ICE1: variants seen among roughly 807,000 people sequenced by gnomAD.
The protein encoded by ICE1 is interactor of little elongation complex ELL subunit 1, also known as little elongation complex subunit 1.
ICE1 carries 64 observed loss-of-function variants against 192.7 expected under a neutral mutation model. That is an observed-to-expected ratio of 0.33 (90% CI 0.27 to 0.41). The LOEUF (loss-of-function observed/expected upper bound fraction) is 0.41. ICE1 is among the 10% of genes least tolerant of loss of function. ICE1 has a pLI of 1.00. For synonymous variants in ICE1, 1,010 were observed against 984.5 expected (o/e 1.03, Z -0.49); for missense variants, 2,708 against 2,696.0 (o/e 1.00, Z -0.10).
chr5:5,469,152 T>TA (rs1489902658), intron 15 of ICE1, among the ~76,000 whole-genome samples, 164 bp downstream of exon 15: 1 of 152,232 alleles, frequency 6.6e-6, no homozygotes, highest in Non-Finnish European at 1.5e-5. Flanking sequence ...TTTTGTTAAT[T>TA]AAGAATGCAT....
At position 5,464,254 on chromosome 5, in the gene ICE1, A is replaced by G. The variant is rs267600660; in HGVS notation, c.4920A>G (p.Ile1640Met). The G allele has an allele frequency of 1.5e-5, 25 of 1,613,524 alleles. No individual in the cohort carries two copies. The South Asian group carries it at 2.2e-4, about 14-fold the overall frequency. Residue 1640 changes from isoleucine to methionine, a missense_variant, in exon 13 of 19, where the codon ATA (isoleucine) becomes ATG (methionine). Ile to Met is a conservative substitution (Grantham distance 10). Around this residue, in one of 2 missense-constraint regions of ICE1, gnomAD observed 2,366 missense variants for 2,276.6 expected, o/e 1.04. Coordinates refer to ENST00000296564, the MANE Select transcript of ICE1 (RefSeq NM_015325.3). The surrounding 1 kb of genome is among the most constrained non-coding windows in gnomAD (Gnocchi z 4.0). ...PPLPPLLAPL[I>M]ATPPRTSQPL... is the part of the protein sequence containing the mutation. ...TGCCGCCTCTGCTTGCTCCTCTGAT[A>G]GCTACACCTCCAAGGACTTCACAGC...
intron 10 of ICE1, among the ~76,000 whole-genome samples, chr5:5,453,411 A>G (rs1367168431): frequency 2.6e-5 from 4 of 152,166 alleles, no homozygotes; most frequent in Non-Finnish European, 5.9e-5. Flanking sequence ...TTTTGAAGTG[A>G]TGCAGTCTGC....
At position 5,462,039 on chromosome 5, in the gene ICE1, C is replaced by G; in HGVS notation, c.2705C>G (p.Ala902Gly). The G allele has an allele frequency of 3.1e-6, 5 of 1,613,938 alleles. No individual in the cohort carries two copies. The highest frequency in any genetic ancestry group is 4.2e-6 in the Non-Finnish European group (5 of 1,179,884). Residue 902 changes from alanine to glycine, a missense_variant, in exon 13 of 19, where the codon GCA (alanine) becomes GGA (glycine). Ala to Gly is a moderately conservative substitution (Grantham distance 60). This residue lies in a region of ICE1 where 2,366 missense variants were observed against 2,276.6 expected (regional missense o/e 1.04). Coordinates refer to ENST00000296564, the MANE Select transcript of ICE1 (RefSeq NM_015325.3). ...SGNKTGMSTV[A>G]KCDGERDDTT... Reference sequence around the variant, plus strand: ...AACAAAACCGGTATGTCAACTGTAGCAAAATGTGATGGGGAAAGAGATGAT... The same window carrying G: ...AACAAAACCGGTATGTCAACTGTAGGAAAATGTGATGGGGAAAGAGATGAT...
At chr5:5,444,440 A>G (rs1738148170) in intron 7 of ICE1, 114 bp downstream of exon 7, 8 of 717,260 alleles carry the variant, frequency 1.1e-5, no homozygotes, top group Middle Eastern at 2.7e-4. Flanking sequence ...TTGATGGTAC[A>G]TCCATGGATG....
At position 5,451,778 on chromosome 5, in the gene ICE1, T is replaced by C. The variant is rs150101742; in HGVS notation, c.605-2774T>C. 5.5e-3 allele frequency among the ~76,000 whole-genome samples: 834 copies of C among 152,278 alleles called. 11 individuals are homozygous for C. The highest frequency in any genetic ancestry group is 0.019 in the African/African-American group (802 of 41,570). On this transcript the variant is annotated intron_variant, in intron 10 of 18. Coordinates refer to ENST00000296564, the MANE Select transcript of ICE1 (RefSeq NM_015325.3). Reference sequence around the variant, plus strand: ...AACTAGTGTCTCTGTTATTAATTTTTTTGTTTCAGAACTTAGAAAATAAGG... The same window carrying C: ...AACTAGTGTCTCTGTTATTAATTTTCTTGTTTCAGAACTTAGAAAATAAGG...
At chr5:5,452,068 G>T (rs1319130740) in intron 10 of ICE1, among the ~76,000 whole-genome samples, 3 of 151,552 alleles carry the variant, frequency 2.0e-5, no homozygotes, top group Non-Finnish European at 4.4e-5. Context: ...AATTGATGAG[G>T]TAATGGAAAA....
intron 4 of ICE1, among the ~76,000 whole-genome samples, chr5:5,440,468 T>C (rs1185279177): frequency 6.6e-6 from 1 of 152,226 alleles, no homozygotes; most frequent in Non-Finnish European, 1.5e-5. Context: ...CTGTAAAGTA[T>C]TCTTCAGCAA....
Position 5,461,013 on chromosome 5 carries a change from A to T in ICE1, c.1679A>T (p.Lys560Ile). 6.2e-7 allele frequency: 1 copy of T among 1,614,062 alleles called. No individual in the cohort carries two copies. Among genetic ancestry groups the T allele is most frequent in the Non-Finnish European group, 8.5e-7 (1 of 1,179,896 alleles). The change falls in exon 13 of 19, where the codon AAA becomes ATA. Residue 560 changes from lysine to isoleucine, a missense_variant. Transcript: ENST00000296564. Reference protein sequence around the residue: ...TVLSKMMGSPKSEFTKWTRIN... With the variant: ...TVLSKMMGSPISEFTKWTRIN... ...TTGTCTAAAATGATGGGATCGCCCA[A>T]ATCAGAGTTTACTAAGTGGACACGA...
chr5:5,461,971 G>A lies in ICE1; in HGVS notation c.2637G>A (p.Arg879=), dbSNP rs766180601. The stretch of plus-strand genomic sequence containing the variant: ...AGAGTGCCAAATTGGAACACTTGAG[G>A]CCACATAGGGTTGAGCCTACCTTAG... The part of the protein sequence containing the change: ...KVQSAKLEHL[R]PHRVEPTLVT... Residue 879 remains arginine (R), a synonymous_variant, in exon 13 of 19, where the codon AGG becomes AGA. Coordinates refer to ENST00000296564, the MANE Select transcript of ICE1 (RefSeq NM_015325.3). 18 of 1,613,834 alleles carry A rather than the reference G, an allele frequency of 1.1e-5. No individual in the cohort carries two copies. In the East Asian group the frequency reaches 4.0e-4, roughly 36 times the overall value.
At chr5:5,485,853 T>C (rs1290633775) in intron 17 of ICE1, among the ~76,000 whole-genome samples, 1 of 152,262 alleles carries the variant, frequency 6.6e-6, no homozygotes, top group East Asian at 1.9e-4. Flanking sequence ...CTTTTAATTT[T>C]GCTTAAAAGC....
chr5:5,455,208 A>G (rs1414600679), intron 11 of ICE1, among the ~76,000 whole-genome samples: 3 of 152,220 alleles, frequency 2.0e-5, no homozygotes, highest in Non-Finnish European at 2.9e-5. Flanking sequence ...TTCTAAATCT[A>G]TGGAAACCTC....
At position 5,473,688 on chromosome 5, in the gene ICE1, T is replaced by C. The variant is rs748101235; in HGVS notation, c.6353T>C (p.Phe2118Ser). 1.2e-6 allele frequency: 2 copies of C among 1,613,448 alleles called. No homozygotes were observed. Among genetic ancestry groups the C allele is most frequent in the South Asian group, 2.2e-5 (2 of 90,958 alleles). ...AGTGATAACACTTGGGAATACATATTTGCCATTGATCTGCTCTGCTGCCAT... is the reference window on the plus strand; with the variant it reads ...AGTGATAACACTTGGGAATACATATCTGCCATTGATCTGCTCTGCTGCCAT... ...DLSDNTWEYI[F>S]AIDLLCCHQK... is the part of the protein sequence containing the mutation. The change falls in exon 16 of 19, where the codon TTT (phenylalanine) becomes TCT (serine). Residue 2118 changes from phenylalanine to serine, a missense_variant. Phe to Ser is a radical substitution (Grantham distance 155). Around this residue, in one of 2 missense-constraint regions of ICE1, gnomAD observed 342 missense variants for 419.3 expected, o/e 0.82. Coordinates refer to ENST00000296564, the MANE Select transcript of ICE1 (RefSeq NM_015325.3).
chr5:5,474,217 A>T (rs1837255), intron 16 of ICE1, among the ~76,000 whole-genome samples: 6,116 of 151,190 alleles, frequency 0.04, 410 homozygotes, highest in African/African-American at 0.14. Flanking sequence ...CTCAAAAAAA[A>T]AAAAAAGAAA....
chr5:5,461,672 A>G lies in ICE1; in HGVS notation c.2338A>G (p.Lys780Glu). Residue 780 changes from lysine (K) to glutamate (E), a missense_variant, in exon 13 of 19, where the codon AAG (lysine) becomes GAG (glutamate). By Grantham distance (56) the Lys-to-Glu change is moderately conservative. Coordinates refer to ENST00000296564, the MANE Select transcript of ICE1 (RefSeq NM_015325.3). The part of the protein sequence containing the change: ...SLIGSQAALI[K>E]SGLGFVKSTS... Reference sequence around the variant, plus strand: ...AATAGGTTCTCAGGCTGCCTTGATCAAGAGTGGTTTGGGTTTTGTTAAAAG... The same window carrying G: ...AATAGGTTCTCAGGCTGCCTTGATCGAGAGTGGTTTGGGTTTTGTTAAAAG... 6.2e-7 allele frequency: 1 copy of G among 1,613,872 alleles called. No individual in the cohort carries two copies. Among genetic ancestry groups the G allele is most frequent in the Non-Finnish European group, 8.5e-7 (1 of 1,179,862 alleles).
chr5:5,464,297 T>A lies in ICE1; in HGVS notation c.4963T>A (p.Ser1655Thr), dbSNP rs370382183. The change falls in exon 13 of 19, where the codon TCG becomes ACG. Residue 1655 changes from serine (S) to threonine (T), a missense_variant. Coordinates refer to ENST00000296564, the MANE Select transcript of ICE1 (RefSeq NM_015325.3). The surrounding 1 kb of genome is among the most constrained non-coding windows in gnomAD (Gnocchi z 4.0). ...TTCACAGCCACTGTCTCCACTGATA[T>A]CGAGTTCTAGTCCTTCCTCACCAGC... ...RTSQPLSPLI[S>T]SSSPSSPASP... The A allele has an allele frequency of 7.4e-6, 12 of 1,613,672 alleles. No homozygotes were observed. The East Asian group carries it at 8.9e-5, about 12-fold the overall frequency.
chr5:5,473,134 ACTGT>A (rs1739212205), intron 15 of ICE1, among the ~76,000 whole-genome samples: 2 of 152,258 alleles, frequency 1.3e-5, no homozygotes, highest in Non-Finnish European at 2.9e-5. Flanking sequence ...AGAATTCATT[ACTGT>A]CTGATTCAGT....
At chr5:5,436,610 T>C in intron 2 of ICE1, 134 bp downstream of exon 2, 1 of 476,630 alleles carries the variant, frequency 2.1e-6, no homozygotes, top group Non-Finnish European at 3.7e-6. Context: ...TGGTACTGAT[T>C]ATAATTCCCC....
chr5:5,429,795 G>C (rs780111896), intron 1 of ICE1, among the ~76,000 whole-genome samples: 1 of 152,178 alleles, frequency 6.6e-6, no homozygotes, highest in Admixed American at 6.5e-5. Flanking sequence ...GGAAGCATGG[G>C]CATCAGCATT....
rs1187354146 is a variant in ICE1 at position 5,441,205 on chromosome 5, A to G, written c.291A>G (p.Ala97=). The change falls in exon 5 of 19, where the codon GCA becomes GCG. Residue 97 remains alanine, a synonymous_variant. Coordinates refer to ENST00000296564, the MANE Select transcript of ICE1 (RefSeq NM_015325.3). ...KCQEELGSLK[A]ELEEKKSSLK... ...AGGAAGAACTGGGATCTTTAAAAGC[A>G]GAGCTAGAAGAGAAAAAGGTATGAA... 1 of 1,551,000 alleles carries G rather than the reference A, an allele frequency of 6.4e-7. No homozygotes were observed.
Sources: gnomAD v4.1 joint callset for allele counts (sites outside exome capture counted in the v4.1 genomes callset) on GRCh38, gnomAD v4.1.1 for gene constraint, gnomAD v4.1.1 regional missense constraint, Gnocchi (gnomAD v3.1) non-coding constraint, MANE v1.5 for transcripts, NCBI Gene and HGNC (gene_info 2026-07-23, HGNC 2026-07-21) for gene names.